The following THEMIS variants were observed in gnomAD, a reference collection of about 807,000 sequenced individuals.
THEMIS encodes protein THEMIS.
A neutral mutation model predicts 52.6 loss-of-function variants in THEMIS; 37 were observed. That is an observed-to-expected ratio of 0.70 (90% CI 0.54 to 0.93). THEMIS has a LOEUF of 0.93. Among genes scored for constraint, THEMIS ranks in the 40% least tolerant of loss-of-function variants. THEMIS has a pLI of 0.00. For synonymous variants in THEMIS, 292 were observed against 272.7 expected (o/e 1.07, Z -0.70); for missense variants, 808 against 763.1 (o/e 1.06, Z -0.69).
intron 4 of THEMIS, among the ~76,000 whole-genome samples, chr6:127,733,506 G>A (rs1282345182): frequency 6.6e-6 from 1 of 152,156 alleles, no homozygotes; most frequent in Non-Finnish European, 1.5e-5. Flanking sequence ...CTAGGTGGGG[G>A]TTCCAGCCTC....
intron 1 of THEMIS, among the ~76,000 whole-genome samples, chr6:127,897,659 G>A (rs1297692001): frequency 6.6e-6 from 1 of 151,544 alleles, no homozygotes; most frequent in Non-Finnish European, 1.5e-5. Flanking sequence ...CTAAGCATAT[G>A]AGTTAATTGG....
chr6:127,913,232 C>A (rs1032736802), intron 1 of THEMIS, among the ~76,000 whole-genome samples: 2 of 152,150 alleles, frequency 1.3e-5, no homozygotes, highest in Admixed American at 6.6e-5. Flanking sequence ...GTCTCTTATA[C>A]TCATCACTTA....
chr6:127,827,554 G>A (rs1169061762), intron 3 of THEMIS, among the ~76,000 whole-genome samples: 4 of 152,172 alleles, frequency 2.6e-5, no homozygotes, highest in African/African-American at 9.7e-5. Flanking sequence ...TAAATTCACA[G>A]TTAAGTCCTA....
intron 4 of THEMIS, among the ~76,000 whole-genome samples, chr6:127,767,633 C>G (rs1357731726): frequency 6.6e-6 from 1 of 151,914 alleles, no homozygotes; most frequent in Non-Finnish European, 1.5e-5. Context: ...TGGAATACTT[C>G]CAAAAGGACC....
chr6:127,779,420 T>C (rs905875886), intron 4 of THEMIS, among the ~76,000 whole-genome samples: 2 of 152,166 alleles, frequency 1.3e-5, no homozygotes, highest in African/African-American at 4.8e-5. Context: ...CAAGTCAATA[T>C]TGGAGAAGAG....
chr6:127,792,233 A>G (rs984267768), intron 4 of THEMIS, among the ~76,000 whole-genome samples: 1 of 152,194 alleles, frequency 6.6e-6, no homozygotes, highest in Non-Finnish European at 1.5e-5. Flanking sequence ...CATGGTATTC[A>G]CGTAAGGAAA....
intron 4 of THEMIS, among the ~76,000 whole-genome samples, chr6:127,728,233 C>T (rs1774621911): frequency 6.6e-6 from 1 of 152,166 alleles, no homozygotes; most frequent in Non-Finnish European, 1.5e-5. Flanking sequence ...TAACACTCTC[C>T]TCTGTGCTCT....
chr6:127,862,411 A>G (rs1339529848), intron 1 of THEMIS, among the ~76,000 whole-genome samples: 1 of 122,658 alleles, frequency 8.2e-6, no homozygotes, highest in Non-Finnish European at 1.9e-5. Flanking sequence ...AAGCAGGTGA[A>G]ATCTCCTAGG....
rs1225073325 is a variant in THEMIS at position 127,855,165 on chromosome 6, T to C, written c.115A>G (p.Asn39Asp). The C allele has an allele frequency of 6.2e-7, 1 of 1,601,382 alleles. No individual in the cohort carries two copies. The highest frequency in any genetic ancestry group is 1.7e-5 in the Admixed American group (1 of 57,556). Residue 39 changes from asparagine (N) to aspartate (D), a missense_variant, in exon 2 of 6, where the codon AAT becomes GAT. Physicochemically the swap from Asn to Asp is conservative, Grantham distance 23 (BLOSUM62 1). Transcript: ENST00000368248. ...LEGSIYEMFG[N>D]ECCFSTGEVI... is the part of the protein sequence containing the mutation. The stretch of plus-strand genomic sequence containing the variant: ...TCTCCTGTTGAAAAACAGCATTCAT[T>C]TCCAAACATTTCATAAATAGAGCCT...
At position 127,855,132 on chromosome 6, in the gene THEMIS, T is replaced by C; in HGVS notation, c.148A>G (p.Lys50Glu). ...TTCTTAACTTTGAGACCAGTAATTT[T>C]AATCACTTCTCCTGTTGAAAAACAG... ...ECCFSTGEVIKITGLKVKKII... is the reference protein window; with the variant it reads ...ECCFSTGEVIEITGLKVKKII... Residue 50 changes from lysine to glutamate, a missense_variant, in exon 2 of 6, where the codon AAA becomes GAA. Lys to Glu is a moderately conservative substitution (Grantham distance 56, BLOSUM62 1). Transcript: ENST00000368248. 6.2e-7 allele frequency: 1 copy of C among 1,610,636 alleles called. No homozygotes were observed. The highest frequency in any genetic ancestry group is 8.5e-7 in the Non-Finnish European group (1 of 1,178,180).
intron 1 of THEMIS, among the ~76,000 whole-genome samples, chr6:127,908,752 C>T (rs893068326): frequency 1.3e-5 from 2 of 152,114 alleles, no homozygotes; most frequent in African/African-American, 4.8e-5. Context: ...AAAAGCTTAA[C>T]TGCAATATGT....
At chr6:127,800,535 G>T (rs1365690468) in intron 4 of THEMIS, among the ~76,000 whole-genome samples, 2 of 152,168 alleles carry the variant, frequency 1.3e-5, no homozygotes, top group Non-Finnish European at 2.9e-5. Flanking sequence ...ATCTGCGTTG[G>T]TTAATACTGA....
rs11355741 is a variant in THEMIS at position 127,832,777 on chromosome 6, C to CTTTTTTTTTTTTTTTTTTTTTTTTTT, written c.251-2844_251-2843insAAAAAAAAAAAAAAAAAAAAAAAAAA. Among the ~76,000 whole-genome samples the CTTTTTTTTTTTTTTTTTTTTTTTTTT allele has an allele frequency of 2.1e-4, 12 of 57,802 alleles. 3 individuals are homozygous for CTTTTTTTTTTTTTTTTTTTTTTTTTT. Among genetic ancestry groups the CTTTTTTTTTTTTTTTTTTTTTTTTTT allele is most frequent in the African/African-American group, 6.1e-4 (8 of 13,096 alleles). 37.9% of individuals were successfully genotyped at this position (57,802 alleles called of 152,430 possible). A position where few individuals can be genotyped will look rare whatever the true frequency, so the allele number is the denominator to read the frequency against. ...CTATTTCCACCTAGGATTGTCAGATCTTTTTTTTTTTTTTTTTTTTTTTTG... is the reference window on the plus strand; with the variant it reads ...CTATTTCCACCTAGGATTGTCAGATCTTTTTTTTTTTTTTTTTTTTTTTTTTTTTTTTTTTTTTTTTTTTTTTTTTG... On this transcript the variant is annotated intron_variant, in intron 2 of 5. Transcript: ENST00000368248.
intron 4 of THEMIS, among the ~76,000 whole-genome samples, chr6:127,798,908 C>G (rs894765986): frequency 7.4e-5 from 11 of 148,588 alleles, no homozygotes; most frequent in Admixed American, 3.4e-4. Context: ...AGGAGAATGG[C>G]GTGAACCCGG....
At chr6:127,796,451 C>T (rs1042674893) in intron 4 of THEMIS, among the ~76,000 whole-genome samples, 1 of 152,120 alleles carries the variant, frequency 6.6e-6, no homozygotes, top group Non-Finnish European at 1.5e-5. Context: ...ACCAGATCAA[C>T]CTTATGCAGT....
At chr6:127,752,509 T>C (rs1397216639) in intron 4 of THEMIS, among the ~76,000 whole-genome samples, 1 of 151,414 alleles carries the variant, frequency 6.6e-6, no homozygotes. Flanking sequence ...CAATGGACTA[T>C]GATGAACAAA....
chr6:127,747,095 T>C (rs1775458822), intron 4 of THEMIS, among the ~76,000 whole-genome samples: 1 of 126,306 alleles, frequency 7.9e-6, no homozygotes, highest in Non-Finnish European at 1.6e-5. Flanking sequence ...AATTATATTA[T>C]ATATAATTAT....
chr6:127,905,279 G>A (rs141885323), upstream of THEMIS, among the ~76,000 whole-genome samples: 50 of 152,026 alleles, frequency 3.3e-4, no homozygotes, highest in Non-Finnish European at 5.4e-4. Context: ...ACTTTCAAAG[G>A]ATCACCAATA....
intron 4 of THEMIS, among the ~76,000 whole-genome samples, chr6:127,727,811 G>A (rs1774604164): frequency 6.6e-6 from 1 of 152,092 alleles, no homozygotes; most frequent in Admixed American, 6.6e-5. Flanking sequence ...CACATAGGAT[G>A]TGGTCCTTGG....
Sources: gnomAD v4.1 joint callset for allele counts (sites outside exome capture counted in the v4.1 genomes callset) on GRCh38, gnomAD v4.1.1 for gene constraint, MANE v1.5 for transcripts, NCBI Gene and HGNC (gene_info 2026-07-23, HGNC 2026-07-21) for gene names.